The following RORA variants were observed in gnomAD, a reference collection of about 807,000 sequenced individuals.
The protein encoded by RORA is nuclear receptor ROR-alpha.
Under a neutral mutation model 69.5 loss-of-function variants are expected in RORA, and 7 were observed. The observed-to-expected ratio is 0.10, with a 90% CI of 0.06 to 0.19. The LOEUF is 0.19. RORA is among the 10% of genes least tolerant of loss of function. The pLI is 1.00. For missense variants in RORA, 457 were observed against 663.0 expected, an observed-to-expected ratio of 0.69 and a Z score of 3.41; for synonymous variants, 261 against 240.8, an observed-to-expected ratio of 1.08 and a Z score of -0.78.
At chr15:61,076,138 T>C (rs1489460625) in intron 1 of RORA, among the ~76,000 whole-genome samples, 1 of 152,198 alleles carries the variant, frequency 6.6e-6, no homozygotes, top group Non-Finnish European at 1.5e-5. Context: ...CGTGATTCTC[T>C]GACAGGAGCA....
chr15:61,053,698 G>C (rs926241994), intron 1 of RORA, among the ~76,000 whole-genome samples: 11 of 151,492 alleles, frequency 7.3e-5, no homozygotes, highest in Admixed American at 6.6e-5. Flanking sequence ...ACAAATTCTT[G>C]CTTCTCCCTT....
At chr15:60,698,421 T>A (rs144036664) in intron 1 of RORA, among the ~76,000 whole-genome samples, 1 of 152,194 alleles carries the variant, frequency 6.6e-6, no homozygotes, top group African/African-American at 2.4e-5. Flanking sequence ...TTAAGAAGGA[T>A]ACATTATGAT....
chr15:60,875,639 C>G (rs151012607), intron 1 of RORA, among the ~76,000 whole-genome samples: 220 of 152,280 alleles, frequency 1.4e-3, no homozygotes, highest in Non-Finnish European at 1.6e-3. Context: ...GGGAAACAGA[C>G]CTTTGAGAGT....
chr15:61,037,016 G>A (rs1896491215), intron 1 of RORA, among the ~76,000 whole-genome samples: 1 of 152,136 alleles, frequency 6.6e-6, no homozygotes, highest in Non-Finnish European at 1.5e-5. Flanking sequence ...ACACACTTTT[G>A]TCAGGCGGCA....
rs1161301798 is a variant in RORA at position 60,501,030 on chromosome 15, T to G, written c.1223A>C (p.Lys408Thr). ...AGTCAGGTGCATAGAACATAAACTC[T>G]TTCCAAATTCAAACACAAAGCTAAT... ...DFISFVFEFG[K>T]SLCSMHLTED... The change falls in exon 9 of 11, where the codon AAG becomes ACG. Residue 408 changes from lysine (K) to threonine (T), a missense_variant. Coordinates refer to ENST00000335670, the MANE Select transcript of RORA (RefSeq NM_134261.3). The G allele has an allele frequency of 1.2e-6, 2 of 1,610,760 alleles. No homozygotes were observed. Among genetic ancestry groups the G allele is most frequent in the Admixed American group, 3.3e-5 (2 of 59,978 alleles).
intron 2 of RORA, among the ~76,000 whole-genome samples, chr15:60,597,129 A>G (rs1224585421): frequency 2.0e-5 from 3 of 152,296 alleles, no homozygotes; most frequent in East Asian, 3.9e-4. Context: ...TGTGCCACTC[A>G]CTAACAGTTG....
chr15:60,690,814 C>A (rs180770603), intron 1 of RORA, among the ~76,000 whole-genome samples: 46 of 152,270 alleles, frequency 3.0e-4, no homozygotes, highest in African/African-American at 1.1e-3. Context: ...GGCTCTGAGG[C>A]CTGGACGCGT....
intron 1 of RORA, among the ~76,000 whole-genome samples, chr15:60,715,115 G>A (rs933173658): frequency 6.6e-6 from 1 of 152,188 alleles, no homozygotes; most frequent in Non-Finnish European, 1.5e-5. Flanking sequence ...TGTGAGAGAG[G>A]ATGAGTTTTA....
At chr15:60,897,090 A>G (rs1373576313) in intron 1 of RORA, among the ~76,000 whole-genome samples, 1 of 152,094 alleles carries the variant, frequency 6.6e-6, no homozygotes, top group Non-Finnish European at 1.5e-5. Flanking sequence ...ATGTTGTTTA[A>G]TGGGCGGTAG....
At chr15:61,053,431 C>T (rs2078042496) in intron 1 of RORA, among the ~76,000 whole-genome samples, 1 of 152,094 alleles carries the variant, frequency 6.6e-6, no homozygotes, top group Non-Finnish European at 1.5e-5. Context: ...CAGGTAACCC[C>T]TTGGGCAGCA....
Position 60,502,856 on chromosome 15 carries a change from C to A in RORA, c.1087G>T (p.Val363Leu). The A allele has an allele frequency of 6.2e-7, 1 of 1,611,960 alleles. No individual in the cohort carries two copies. Among genetic ancestry groups the A allele is most frequent in the Non-Finnish European group, 8.5e-7 (1 of 1,178,090 alleles). The change falls in exon 8 of 11, where the codon GTG becomes TTG. Residue 363 changes from valine (V) to leucine (L), a missense_variant. By Grantham distance (32) the Val-to-Leu change is conservative. Transcript: ENST00000335670. ...IVLLKAGSLE[V>L]VFIRMCRAFD... ...GCACGGCACATTCTGATAAACACCA[C>A]CTCTAGAGAACCTAAGCAGAGGCAG...
At chr15:60,944,699 A>G (rs1595835099) in intron 1 of RORA, among the ~76,000 whole-genome samples, 1 of 146,646 alleles carries the variant, frequency 6.8e-6, no homozygotes, top group Admixed American at 7.2e-5. Flanking sequence ...TACTCCAAAA[A>G]AAAAAAAAAA....
chr15:60,838,892 ACTT>A (rs2140400783), intron 1 of RORA, among the ~76,000 whole-genome samples: 1 of 25,810 alleles, frequency 3.9e-5, no homozygotes, highest in East Asian at 2.3e-3. Context: ...ACACACATAT[ACTT>A]TTTTTTTTTT....
At chr15:60,877,787 A>C (rs1316391519) in intron 1 of RORA, among the ~76,000 whole-genome samples, 4 of 152,206 alleles carry the variant, frequency 2.6e-5, no homozygotes, top group Non-Finnish European at 5.9e-5. Flanking sequence ...CAATAAAAGA[A>C]AGATTTCACT....
chr15:60,790,866 A>T (rs2072406055), intron 1 of RORA, among the ~76,000 whole-genome samples: 1 of 152,132 alleles, frequency 6.6e-6, no homozygotes. Flanking sequence ...TAGGTACCAG[A>T]TGGTTCCAGG....
chr15:61,205,402 C>T (rs755312117), intron 1 of RORA, among the ~76,000 whole-genome samples: 25 of 152,202 alleles, frequency 1.6e-4, no homozygotes, highest in Non-Finnish European at 3.4e-4. Flanking sequence ...ACACAGCACA[C>T]GCCTCTGCCA....
intron 1 of RORA, among the ~76,000 whole-genome samples, chr15:60,720,735 G>A (rs545408376): frequency 1.6e-4 from 25 of 152,278 alleles, no homozygotes; most frequent in African/African-American, 5.3e-4. Flanking sequence ...ACAGGTCTTT[G>A]TTCATAGCAC....
chr15:60,759,443 G>C (rs2071851277), intron 1 of RORA, among the ~76,000 whole-genome samples: 1 of 152,134 alleles, frequency 6.6e-6, no homozygotes, highest in Admixed American at 6.6e-5. Flanking sequence ...CTCTAGCAAT[G>C]AATACATCAT....
chr15:60,639,862 G>C (rs1255163394), intron 2 of RORA, among the ~76,000 whole-genome samples: 1 of 152,208 alleles, frequency 6.6e-6, no homozygotes, highest in Non-Finnish European at 1.5e-5. Context: ...TGCAGTTGAT[G>C]ATGGTATTTG....
Sources: gnomAD v4.1 joint callset for allele counts (sites outside exome capture counted in the v4.1 genomes callset) on GRCh38, gnomAD v4.1.1 for gene constraint, MANE v1.5 for transcripts, NCBI Gene and HGNC (gene_info 2026-07-23, HGNC 2026-07-21) for gene names.